LINGO2: variants seen among roughly 807,000 people sequenced by gnomAD.
The protein encoded by LINGO2 is leucine-rich repeat and immunoglobulin-like domain-containing nogo receptor-interacting protein 2.
LINGO2 carries 14 observed loss-of-function variants against 30.6 expected under a neutral mutation model. The observed-to-expected ratio is 0.46, with a 90% CI of 0.30 to 0.72. LINGO2 has a LOEUF of 0.72. Among genes scored for constraint, LINGO2 ranks in the 30% least tolerant of loss-of-function variants. The pLI is 0.07. For synonymous variants in LINGO2, 317 were observed against 288.5 expected (o/e 1.10, Z -1.00); for missense variants, 729 against 751.7 (o/e 0.97, Z 0.35).
At chr9:29,038,886 A>G in the LINGO2 span, among the ~76,000 whole-genome samples, 1 of 152,166 alleles carries the variant, frequency 6.6e-6, no homozygotes, top group Non-Finnish European at 1.5e-5. Flanking sequence ...AATGCTCAAA[A>G]GTCAGTACAG....
chr9:29,001,727 T>C, the LINGO2 span, among the ~76,000 whole-genome samples: 1 of 152,034 alleles, frequency 6.6e-6, no homozygotes, highest in African/African-American at 2.4e-5. Flanking sequence ...GATAAAGATC[T>C]TTACCATAAA....
intron 4 of LINGO2, among the ~76,000 whole-genome samples, chr9:28,109,502 A>G (rs1035095151): frequency 6.6e-6 from 1 of 151,842 alleles, no homozygotes; most frequent in Non-Finnish European, 1.5e-5. Flanking sequence ...AACCTAATCC[A>G]CTCACCCCCA....
chr9:28,991,129 C>T, the LINGO2 span, among the ~76,000 whole-genome samples: 4 of 152,044 alleles, frequency 2.6e-5, no homozygotes, highest in African/African-American at 7.2e-5. Flanking sequence ...AAAATTTAGA[C>T]GAATGTATAA....
chr9:28,715,737 C>A, the LINGO2 span, among the ~76,000 whole-genome samples: 3 of 152,014 alleles, frequency 2.0e-5, no homozygotes, highest in African/African-American at 7.2e-5. Flanking sequence ...CATAGACAAG[C>A]CACTTTTCTG....
chr9:28,975,340 T>C, the LINGO2 span, among the ~76,000 whole-genome samples: 2 of 152,184 alleles, frequency 1.3e-5, no homozygotes, highest in Admixed American at 1.3e-4. Context: ...TGATGACCTA[T>C]GAACCTCAAG....
the LINGO2 span, among the ~76,000 whole-genome samples, chr9:29,163,677 A>G: frequency 2.0e-5 from 3 of 152,190 alleles, no homozygotes; most frequent in Non-Finnish European, 4.4e-5. Flanking sequence ...GACTATGAAA[A>G]TCCCCATTGA....
chr9:29,019,001 A>G, the LINGO2 span, among the ~76,000 whole-genome samples: 122 of 152,272 alleles, frequency 8.0e-4, no homozygotes, highest in African/African-American at 2.8e-3. Context: ...AACCTGCTGT[A>G]TTTAGACTAG....
chr9:28,235,710 CAA>C lies in LINGO2; in HGVS notation c.-87+59496_-87+59497del, dbSNP rs1269761922. Among the ~76,000 whole-genome samples the C allele has an allele frequency of 5.9e-5, 9 of 152,200 alleles. No homozygotes were observed. The East Asian group carries it at 1.7e-3, about 29-fold the overall frequency. ...GCCACTGACATGCTGAAGAATGCATCAAAGTTTCTTAATAGCAGAAATGATCA... is the reference window on the plus strand; with the variant it reads ...GCCACTGACATGCTGAAGAATGCATCAGTTTCTTAATAGCAGAAATGATCA... On this transcript the variant is annotated intron_variant, in intron 4 of 5. Transcript: ENST00000379992.
At chr9:28,473,081 T>C (rs982897732) in intron 2 of LINGO2, among the ~76,000 whole-genome samples, 4 of 152,174 alleles carry the variant, frequency 2.6e-5, no homozygotes, top group Middle Eastern at 3.2e-3. Context: ...GAGTTTTGCT[T>C]TAATGGTCTT....
the LINGO2 span, among the ~76,000 whole-genome samples, chr9:29,105,245 C>A: frequency 6.6e-6 from 1 of 152,126 alleles, no homozygotes; most frequent in Non-Finnish European, 1.5e-5. Flanking sequence ...TTTAAGAAAT[C>A]TTTATCCACA....
Position 28,011,885 on chromosome 9 carries a change from T to G in LINGO2, c.-36+470A>C, listed in dbSNP as rs146395500. Among the ~76,000 whole-genome samples, 1,103 of 152,112 alleles carry G rather than the reference T, an allele frequency of 7.3e-3. 14 individuals carry two copies. The highest frequency in any genetic ancestry group is 0.026 in the African/African-American group (1,059 of 41,396). On this transcript the variant is annotated intron_variant, in intron 5 of 5. Coordinates refer to ENST00000379992, the Ensembl canonical transcript of LINGO2. ...GGGCATGAACTCAGATCCACATGTA[T>G]GCCAACAACTGCCCTGCATGTCAAA...
the LINGO2 span, among the ~76,000 whole-genome samples, chr9:28,824,963 A>T: frequency 6.6e-6 from 1 of 152,102 alleles, no homozygotes; most frequent in Non-Finnish European, 1.5e-5. Flanking sequence ...CGTTGTTATG[A>T]GGGTGAATGA....
chr9:28,383,983 A>C (rs1325412278), intron 2 of LINGO2, among the ~76,000 whole-genome samples: 2 of 152,090 alleles, frequency 1.3e-5, no homozygotes, highest in Admixed American at 1.3e-4. Context: ...TGAGGGCAGG[A>C]TTACAGCTAT....
chr9:28,019,857 G>A (rs1292123874), intron 4 of LINGO2, among the ~76,000 whole-genome samples: 1 of 152,044 alleles, frequency 6.6e-6, no homozygotes, highest in Non-Finnish European at 1.5e-5. Context: ...AATTCCCCTT[G>A]CCTCCTGGAC....
chr9:28,117,420 G>T (rs1243124054), intron 4 of LINGO2, among the ~76,000 whole-genome samples: 4 of 113,244 alleles, frequency 3.5e-5, no homozygotes, highest in African/African-American at 1.0e-4. Context: ...AGGCCTCCTT[G>T]AGCTGTGGTG....
chr9:28,013,943 CTAGA>C (rs371283212), intron 4 of LINGO2, among the ~76,000 whole-genome samples: 45 of 152,214 alleles, frequency 3.0e-4, no homozygotes, highest in African/African-American at 1.0e-3. Context: ...TCTGCAGTTC[CTAGA>C]AAGAAATCAA....
At chr9:28,573,879 T>G in intron 1 of LINGO2, among the ~76,000 whole-genome samples, 1 of 152,026 alleles carries the variant, frequency 6.6e-6, no homozygotes, top group Admixed American at 6.6e-5. Flanking sequence ...AAACAACAAC[T>G]TTTCATTAAA....
chr9:28,318,949 G>A (rs1824939561), intron 3 of LINGO2, among the ~76,000 whole-genome samples: 1 of 152,096 alleles, frequency 6.6e-6, no homozygotes, highest in South Asian at 2.1e-4. Context: ...ATGTTCAGCT[G>A]CTTGCTACAT....
rs192433910 is a variant in LINGO2, at chr9:28,082,001, G to T, written c.-86-69596C>A. ...GGAGTCAAGTATCAATTAAGGTACTGTCTTCTGATTACACATGGGACTTCT... is the reference window on the plus strand; with the variant it reads ...GGAGTCAAGTATCAATTAAGGTACTTTCTTCTGATTACACATGGGACTTCT... On this transcript the variant is annotated intron_variant, in intron 4 of 5. Coordinates refer to ENST00000379992, the Ensembl canonical transcript of LINGO2. Among the ~76,000 whole-genome samples, 81 of 152,260 alleles carry T rather than the reference G, an allele frequency of 5.3e-4. 1 individual carries two copies. Among genetic ancestry groups the T allele is most frequent in the Admixed American group, 3.9e-3 (60 of 15,284 alleles).
Sources: gnomAD v4.1 joint callset for allele counts (sites outside exome capture counted in the v4.1 genomes callset) on GRCh38, gnomAD v4.1.1 for gene constraint, MANE v1.5 for transcripts, NCBI Gene and HGNC (gene_info 2026-07-23, HGNC 2026-07-21) for gene names.